Variants in CLDN16 observed in about 807,000 individuals in gnomAD.
The protein encoded by CLDN16 is claudin-16.
CLDN16 carries 13 observed loss-of-function variants against 24.6 expected under a neutral mutation model. The observed-to-expected ratio is 0.53, with a 90% CI of 0.34 to 0.84. The LOEUF is 0.84. CLDN16 is among the 40% of genes least tolerant of loss of function. The pLI is 0.01. For missense variants in CLDN16, 298 were observed against 292.7 expected (o/e 1.02, Z -0.13); for synonymous variants, 116 against 106.7 (o/e 1.09, Z -0.54).
At chr3:190,311,628 T>A in the CLDN16 span, among the ~76,000 whole-genome samples, 1 of 150,794 alleles carries the variant, frequency 6.6e-6, no homozygotes, top group East Asian at 1.9e-4. Flanking sequence ...TACTATAATA[T>A]ACTACATATA....
chr3:190,343,752 A>G (rs1433737790), intron 1 of CLDN16, among the ~76,000 whole-genome samples: 2 of 152,174 alleles, frequency 1.3e-5, no homozygotes, highest in African/African-American at 2.4e-5. Context: ...TCTTAAAAAA[A>G]TGGCAGGGGA....
chr3:190,352,131 A>G (rs1200266802), intron 1 of CLDN16, among the ~76,000 whole-genome samples: 4 of 151,726 alleles, frequency 2.6e-5, no homozygotes, highest in Non-Finnish European at 5.9e-5. Flanking sequence ...ACTAGAAGGC[A>G]ATTGAAAAAG....
rs1253592783 is a variant in CLDN16 at position 190,408,312 on chromosome 3, A to G, written c.383-2A>G. 10 of 1,613,548 alleles carry G rather than the reference A, an allele frequency of 6.2e-6. No individual in the cohort carries two copies. Among genetic ancestry groups the G allele is most frequent in the Non-Finnish European group, 6.8e-6 (8 of 1,179,610 alleles). The stretch of plus-strand genomic sequence containing the variant: ...ATTTGTAGCATCCTCCCTTTCTTTC[A>G]GGTACCCCAGGAATCATTGGCTCTG... On this transcript the variant is annotated splice_acceptor_variant, in intron 3 of 4. Coordinates refer to ENST00000264734, the MANE Select transcript of CLDN16 (RefSeq NM_006580.4). LOFTEE classifies it high-confidence loss of function.
intron 1 of CLDN16, among the ~76,000 whole-genome samples, chr3:190,345,118 G>C (rs1372610398): frequency 2.0e-5 from 3 of 152,142 alleles, no homozygotes; most frequent in African/African-American, 7.2e-5. Flanking sequence ...AGTGCTGCTA[G>C]TGAACTCTGT....
intron 1 of CLDN16, among the ~76,000 whole-genome samples, chr3:190,348,018 T>C (rs1195950886): frequency 6.9e-6 from 1 of 145,262 alleles, no homozygotes; most frequent in Non-Finnish European, 1.5e-5. Context: ...CCAAGGCAGG[T>C]GGATCACGAG....
At chr3:190,384,559 G>A (rs1718441445), upstream of CLDN16, among the ~76,000 whole-genome samples, 1 of 152,162 alleles carries the variant, frequency 6.6e-6, no homozygotes, top group Admixed American at 6.6e-5. Flanking sequence ...GTAGGAACAT[G>A]GTGCATAATG....
At chr3:190,397,283 A>T (rs1336782418) in intron 1 of CLDN16, among the ~76,000 whole-genome samples, 1 of 152,162 alleles carries the variant, frequency 6.6e-6, no homozygotes, top group East Asian at 1.9e-4. Context: ...AAACAATACA[A>T]ATTAGCATTG....
At chr3:190,360,493 T>G (rs1324107113) in intron 1 of CLDN16, among the ~76,000 whole-genome samples, 1 of 151,906 alleles carries the variant, frequency 6.6e-6, no homozygotes, top group African/African-American at 2.4e-5. Context: ...GAAACTCAAC[T>G]GGTGTAATAG....
rs904763960 is a variant in CLDN16, at chr3:190,381,676, G to T, written n.306+7073G>T. ...ATTGTGTTAGGTAGGGACTGCTTTT[G>T]TATATTTGTCACTCCAGAATGTTTA... is the stretch of plus-strand genomic sequence containing the variant. On this transcript the variant is annotated intron_variant and non_coding_transcript_variant, in intron 3 of 4. Coordinates refer to the CLDN16 transcript ENST00000468220. Among the ~76,000 whole-genome samples, 7 of 152,132 alleles carry T rather than the reference G, an allele frequency of 4.6e-5. 1 individual carries two copies. In the East Asian group the frequency reaches 5.8e-4, roughly 13 times the overall value.
In CLDN16 at chr3:190,408,470, G is replaced by T. The variant is rs139251569; in HGVS notation, c.539G>T (p.Gly180Val). ...MAGSLGCFLA[G>V]AVLTCCLYLF... ...GGGTCTCTGGGTTGCTTTTTGGCTG[G>T]AGCTGTTCTCACCTGCTGCTTATAT... The change falls in exon 4 of 5, where the codon GGA (glycine) becomes GTA (valine). Residue 180 changes from glycine to valine, a missense_variant. Physicochemically the swap from Gly to Val is moderately radical, Grantham distance 109. Coordinates refer to ENST00000264734, the MANE Select transcript of CLDN16 (RefSeq NM_006580.4). 2 of 1,614,038 alleles carry T rather than the reference G, an allele frequency of 1.2e-6. No individual in the cohort carries two copies. Among genetic ancestry groups the T allele is most frequent in the Non-Finnish European group, 1.7e-6 (2 of 1,180,018 alleles).
the CLDN16 span, among the ~76,000 whole-genome samples, chr3:190,314,505 A>T: frequency 1.3e-5 from 2 of 151,794 alleles, no homozygotes; most frequent in Admixed American, 1.3e-4. Context: ...AGCGATTCTC[A>T]TCCCACAGCC....
intron 2 of CLDN16, among the ~76,000 whole-genome samples, chr3:190,371,870 C>T (rs1718148882): frequency 6.6e-6 from 1 of 151,878 alleles, no homozygotes; most frequent in African/African-American, 2.4e-5. Flanking sequence ...CACCAGATTC[C>T]CTGACACTGA....
chr3:190,302,925 T>A, the CLDN16 span, among the ~76,000 whole-genome samples: 1 of 151,262 alleles, frequency 6.6e-6, no homozygotes, highest in Admixed American at 6.6e-5. Context: ...AAATAAAAAA[T>A]AAGAATAAAC....
At chr3:190,381,210 T>C (rs572450207) in intron 3 of CLDN16, among the ~76,000 whole-genome samples, 1 of 152,166 alleles carries the variant, frequency 6.6e-6, no homozygotes, top group Non-Finnish European at 1.5e-5. Context: ...TACAATTGAT[T>C]AGAACTTGTT....
chr3:190,356,902 C>G (rs188365513), intron 1 of CLDN16, among the ~76,000 whole-genome samples: 7 of 151,790 alleles, frequency 4.6e-5, no homozygotes, highest in Admixed American at 1.3e-4. Flanking sequence ...AAAATTATCC[C>G]ATGTGAACTA....
At chr3:190,298,428 C>A in the CLDN16 span, among the ~76,000 whole-genome samples, 1,493 of 148,730 alleles carry the variant, frequency 0.01, 34 homozygotes, top group South Asian at 0.083. Flanking sequence ...AATGATATTA[C>A]GTGCAATGTG....
intron 2 of CLDN16, among the ~76,000 whole-genome samples, chr3:190,371,567 C>T (rs1179480121): frequency 6.6e-6 from 1 of 151,942 alleles, no homozygotes; most frequent in East Asian, 1.9e-4. Flanking sequence ...CTTGAAATTA[C>T]ATTCCCAGCC....
chr3:190,361,295 C>T (rs1013208396), intron 1 of CLDN16, among the ~76,000 whole-genome samples: 1 of 151,922 alleles, frequency 6.6e-6, no homozygotes, highest in African/African-American at 2.4e-5. Flanking sequence ...AGTGAAAGTG[C>T]CTTTGCAAAA....
At chr3:190,296,801 T>C in the CLDN16 span, among the ~76,000 whole-genome samples, 87,769 of 151,658 alleles carry the variant, frequency 0.58, 26,092 homozygotes, top group African/African-American at 0.71. Context: ...CCGCCCGTCT[T>C]GGCCTCCCAA....
Sources: allele counts gnomAD v4.1 joint callset (sites outside exome capture counted in the v4.1 genomes callset), GRCh38; gene constraint gnomAD v4.1.1; transcripts MANE v1.5; gene names NCBI Gene and HGNC (gene_info 2026-07-23, HGNC 2026-07-21).